The following KDM4B variants were observed in gnomAD, a reference collection of about 807,000 sequenced individuals.
KDM4B encodes the protein lysine-specific demethylase 4B.
In KDM4B, 32 loss-of-function variants were observed where a neutral mutation model predicts 125.2. That is an observed-to-expected ratio of 0.26 (90% CI 0.19 to 0.34). KDM4B has a LOEUF of 0.34. Among genes scored for constraint, KDM4B ranks in the 10% least tolerant of loss-of-function variants. The pLI is 1.00. For synonymous variants in KDM4B, 721 were observed against 677.9 expected (o/e 1.06, Z -0.99); for missense variants, 1,190 against 1,577.7 (o/e 0.75, Z 4.16).
chr19:5,135,308 C>T (rs2039628583), intron 14 of KDM4B, 31 bp from the exon 15 acceptor site: 1 of 1,513,492 alleles, frequency 6.6e-7, no homozygotes, highest in Non-Finnish European at 9.2e-7. Context: ...ACACATGGCT[C>T]TGTCCCCTGA....
At position 5,004,009 on chromosome 19, in the gene KDM4B, C is replaced by T. The variant is rs781709047; in HGVS notation, c.-108-12248C>T. Among the ~76,000 whole-genome samples the T allele has an allele frequency of 7.2e-5, 11 of 152,240 alleles. 1 individual carries two copies. Among genetic ancestry groups the T allele is most frequent in the South Asian group, 6.2e-4 (3 of 4,824 alleles). Reference sequence around the variant, plus strand: ...TGGGTGCGTCTGGCTCCCCTCTGCGCGTCCTGTTTCGTGTTATTTTTTAGA... The same window carrying T: ...TGGGTGCGTCTGGCTCCCCTCTGCGTGTCCTGTTTCGTGTTATTTTTTAGA... On this transcript the variant is annotated intron_variant, in intron 1 of 22. Transcript: ENST00000159111.
chr19:5,133,199 A>G (rs1294056177), intron 13 of KDM4B, among the ~76,000 whole-genome samples: 2 of 152,198 alleles, frequency 1.3e-5, no homozygotes, highest in Non-Finnish European at 2.9e-5. Flanking sequence ...AATGGAGGCC[A>G]TTAGAGTTCA....
intron 11 of KDM4B, among the ~76,000 whole-genome samples, chr19:5,126,038 G>A (rs1231836057): frequency 6.6e-6 from 1 of 152,242 alleles, no homozygotes; most frequent in Non-Finnish European, 1.5e-5. Context: ...TTGAATGCCA[G>A]TTTCACGCCC....
At chr19:5,134,887 C>A (rs914615470) in intron 14 of KDM4B, among the ~76,000 whole-genome samples, 2 of 152,234 alleles carry the variant, frequency 1.3e-5, no homozygotes, top group African/African-American at 4.8e-5. Flanking sequence ...CAGCCGACAC[C>A]GTCTCCAGGC....
intron 11 of KDM4B, among the ~76,000 whole-genome samples, chr19:5,129,845 C>A (rs543636227): frequency 1.3e-5 from 2 of 152,318 alleles, no homozygotes; most frequent in African/African-American, 4.8e-5. Context: ...GTGTGCTGTG[C>A]GGCCAGGCTG....
intron 9 of KDM4B, among the ~76,000 whole-genome samples, chr19:5,092,509 C>A (rs1391237715): frequency 6.6e-6 from 1 of 152,232 alleles, no homozygotes; most frequent in African/African-American, 2.4e-5. Context: ...ACACATCTCC[C>A]CAGAGGAGGG....
chr19:5,111,670 C>T (rs911767603), intron 10 of KDM4B: 10 of 722,880 alleles, frequency 1.4e-5, no homozygotes, highest in African/African-American at 1.4e-4. Flanking sequence ...TTCAGGGAGC[C>T]CCTGAGCATG....
intron 6 of KDM4B, among the ~76,000 whole-genome samples, chr19:5,059,823 C>T (rs1261881411): frequency 2.6e-5 from 4 of 152,186 alleles, no homozygotes; most frequent in Admixed American, 2.6e-4. Flanking sequence ...TGGGAGCCTC[C>T]ACAGCCTGCA....
At chr19:5,009,244 C>T (rs1384989397) in intron 1 of KDM4B, among the ~76,000 whole-genome samples, 4 of 152,076 alleles carry the variant, frequency 2.6e-5, no homozygotes, top group Non-Finnish European at 5.9e-5. Flanking sequence ...TGAGCCATGC[C>T]ACCTTCCTCA....
At chr19:5,032,490 C>T (rs192706373) in intron 2 of KDM4B, among the ~76,000 whole-genome samples, 14 of 152,350 alleles carry the variant, frequency 9.2e-5, no homozygotes, top group Admixed American at 2.0e-4. Context: ...CGCGGTCTCT[C>T]GTGCGGATCA....
intron 9 of KDM4B, among the ~76,000 whole-genome samples, chr19:5,088,507 G>A (rs55993913): frequency 0.038 from 5,748 of 152,186 alleles, 153 homozygotes; most frequent in Non-Finnish European, 0.055. Context: ...TGGGGGGGAG[G>A]TTGCCCCTGC....
chr19:5,141,742 C>T lies in KDM4B; in HGVS notation c.2551-2225C>T, dbSNP rs1416685122. 2.6e-5 allele frequency among the ~76,000 whole-genome samples: 4 copies of T among 152,204 alleles called. No individual in the cohort carries two copies. The highest frequency in any genetic ancestry group is 1.3e-4 in the Admixed American group (2 of 15,286). On this transcript the variant is annotated intron_variant, in intron 18 of 22. Transcript: ENST00000159111. The surrounding 1 kb of genome is among the most constrained non-coding windows in gnomAD (Gnocchi z 6.4). Reference sequence around the variant, plus strand: ...GCCCGCCTGGGCCAAGTTATCACCACGTTCTCAAGGCCGTGCTGCTGAGAA... The same window carrying T: ...GCCCGCCTGGGCCAAGTTATCACCATGTTCTCAAGGCCGTGCTGCTGAGAA...
intron 9 of KDM4B, among the ~76,000 whole-genome samples, chr19:5,105,980 G>A (rs1326645473): frequency 1.3e-5 from 2 of 152,226 alleles, no homozygotes; most frequent in Non-Finnish European, 2.9e-5. Flanking sequence ...AGAGAAATAA[G>A]TAGCGCAGAA....
intron 2 of KDM4B, among the ~76,000 whole-genome samples, chr19:5,032,560 A>C (rs1421340502): frequency 6.6e-6 from 1 of 152,182 alleles, no homozygotes; most frequent in African/African-American, 2.4e-5. Flanking sequence ...CGTCCCTGAT[A>C]CGTAAACCTT....
intron 6 of KDM4B, among the ~76,000 whole-genome samples, chr19:5,066,750 A>C (rs2037782326): frequency 6.6e-6 from 1 of 152,190 alleles, no homozygotes; most frequent in Admixed American, 6.5e-5. Context: ...ATGGCTCCAG[A>C]TCCCGGGCTG....
chr19:5,083,137 TCTC>T (rs2038356386), intron 9 of KDM4B, among the ~76,000 whole-genome samples: 1 of 152,190 alleles, frequency 6.6e-6, no homozygotes, highest in African/African-American at 2.4e-5. Context: ...TCGTTCCTGG[TCTC>T]AGAAGGCCGA....
In KDM4B at chr19:5,041,248, T is replaced by C. The variant is rs1365599441; in HGVS notation, c.429T>C (p.Asp143=). 3 of 1,610,422 alleles carry C rather than the reference T, an allele frequency of 1.9e-6. No homozygotes were observed. In the Admixed American group the frequency reaches 5.0e-5, roughly 27 times the overall value. The change falls in exon 5 of 23, where the codon GAT becomes GAC. Residue 143 remains aspartate (D), a synonymous_variant. Coordinates refer to ENST00000159111, the MANE Select transcript of KDM4B (RefSeq NM_015015.3). ...YGADISGSLY[D]DDVAQWNIGS... ...CTGACATCAGCGGCTCTTTGTATGA[T>C]GACGTAAGTATGAGGCTCCGGGGAA...
intron 9 of KDM4B, among the ~76,000 whole-genome samples, chr19:5,108,448 G>A (rs759441131): frequency 2.0e-5 from 3 of 152,212 alleles, no homozygotes; most frequent in Non-Finnish European, 4.4e-5. Context: ...CCTGGATCCA[G>A]CAGAAGGTTC....
intron 6 of KDM4B, among the ~76,000 whole-genome samples, chr19:5,053,230 G>T (rs545284596): frequency 6.6e-6 from 1 of 152,368 alleles, no homozygotes; most frequent in South Asian, 2.1e-4. Context: ...CCTGGCGAGG[G>T]TGCCTAGGGA....
Sources: gnomAD v4.1 joint callset for allele counts (sites outside exome capture counted in the v4.1 genomes callset) on GRCh38, gnomAD v4.1.1 for gene constraint, Gnocchi (gnomAD v3.1) non-coding constraint, MANE v1.5 for transcripts, NCBI Gene and HGNC (gene_info 2026-07-23, HGNC 2026-07-21) for gene names.